Variants in ULK4 observed in about 807,000 individuals in gnomAD.
The protein encoded by ULK4 is inactive serine/threonine-protein kinase ULK4.
In ULK4, 133 loss-of-function variants were observed where a neutral mutation model predicts 160.6. The ratio of observed to expected loss-of-function variants is 0.83; its 90% CI spans 0.72 to 0.96. The LOEUF is 0.96. Ranked by LOEUF, ULK4 falls within the 40% of genes least tolerant of loss-of-function variation. The pLI, the probability that ULK4 is intolerant of heterozygous loss-of-function variation, is 0.00. For synonymous variants in ULK4, 534 were observed against 539.8 expected (o/e 0.99, Z 0.15); for missense variants, 1,580 against 1,499.5 (o/e 1.05, Z -0.89).
intron 32 of ULK4, among the ~76,000 whole-genome samples, chr3:41,479,700 T>C (rs187758648): frequency 1.2e-3 from 186 of 152,016 alleles, no homozygotes; most frequent in African/African-American, 4.1e-3. Flanking sequence ...GGCAGAAGAG[T>C]AGAGAGACGT....
Position 41,309,062 on chromosome 3 carries a change from G to A in ULK4, c.3679-59488C>T, listed in dbSNP as rs539288504. Among the ~76,000 whole-genome samples, 3 of 152,202 alleles carry A rather than the reference G, an allele frequency of 2.0e-5. No individual in the cohort carries two copies. In the South Asian group the frequency reaches 6.2e-4, roughly 32 times the overall value. On this transcript the variant is annotated intron_variant, in intron 35 of 36. Transcript: ENST00000301831. ...AAGTTATTTTATAAATAAAATTTAT[G>A]AAAGTTATTTTTAAAGTATGAAAGT...
At position 41,804,989 on chromosome 3, in the gene ULK4, A is replaced by C. The variant is rs529165605; in HGVS notation, c.1849-4696T>G. Among the ~76,000 whole-genome samples the C allele has an allele frequency of 1.4e-4, 22 of 152,068 alleles. No homozygotes were observed. In the South Asian group the frequency reaches 4.0e-3, roughly 27 times the overall value. On this transcript the variant is annotated intron_variant, in intron 19 of 36. Transcript: ENST00000301831. The stretch of plus-strand genomic sequence containing the variant: ...GGGCTCTTTTTTGGTTCCATATGAA[A>C]TTTAAAGTAGTTTTTTCAAATTCTG...
chr3:41,460,067 TTATAAG>T (rs2125875932), intron 33 of ULK4, among the ~76,000 whole-genome samples: 1 of 152,184 alleles, frequency 6.6e-6, no homozygotes, highest in South Asian at 2.1e-4. Flanking sequence ...AGTTGGATAA[TTATAAG>T]AGATGCTAAA....
intron 32 of ULK4, among the ~76,000 whole-genome samples, chr3:41,520,797 T>C (rs2085906531): frequency 6.6e-6 from 1 of 152,234 alleles, no homozygotes; most frequent in Non-Finnish European, 1.5e-5. Flanking sequence ...TGATTTGTAT[T>C]TCCCTAGTCA....
intron 31 of ULK4, among the ~76,000 whole-genome samples, chr3:41,572,688 C>T (rs1038896423): frequency 1.3e-5 from 2 of 151,112 alleles, no homozygotes; most frequent in African/African-American, 4.9e-5. Context: ...ATGGCATGAA[C>T]CCAGGAGGCG....
intron 30 of ULK4, among the ~76,000 whole-genome samples, chr3:41,633,077 A>C (rs2125705687): frequency 1.3e-5 from 2 of 152,342 alleles, no homozygotes; most frequent in Middle Eastern, 6.8e-3. Context: ...TTATTACATA[A>C]GTGGAAGAGG....
At chr3:41,524,433 G>A (rs564179374) in intron 32 of ULK4, among the ~76,000 whole-genome samples, 80 of 152,250 alleles carry the variant, frequency 5.3e-4, no homozygotes, top group African/African-American at 1.9e-3. Flanking sequence ...GCCCAGTAGT[G>A]ACCCTGGAAA....
Position 41,395,085 on chromosome 3 carries a change from C to T in ULK4, c.3678+2994G>A, listed in dbSNP as rs6769897. On this transcript the variant is annotated intron_variant, in intron 35 of 36. Transcript: ENST00000301831. ...ACATTTTTGCATCTTACTTCCTAAT[C>T]ACCACACAGAAAGGCTCCACAGTTT... 6.7e-3 allele frequency among the ~76,000 whole-genome samples: 1,011 copies of T among 151,702 alleles called. 4 individuals are homozygous for T. Among genetic ancestry groups the T allele is most frequent in the East Asian group, 0.015 (79 of 5,146 alleles).
At chr3:41,291,211 T>C (rs775580574) in intron 35 of ULK4, among the ~76,000 whole-genome samples, 25 of 151,880 alleles carry the variant, frequency 1.6e-4, no homozygotes, top group Non-Finnish European at 3.1e-4. Context: ...TTTTCTTCAC[T>C]AGACATTGCC....
intron 22 of ULK4, among the ~76,000 whole-genome samples, chr3:41,724,995 C>A (rs531065306): frequency 6.6e-6 from 1 of 152,238 alleles, no homozygotes; most frequent in South Asian, 2.1e-4. Flanking sequence ...TAAGTCTGTA[C>A]ATATTTCTGT....
chr3:41,774,014 G>C (rs1235396864), intron 21 of ULK4, among the ~76,000 whole-genome samples: 1 of 152,134 alleles, frequency 6.6e-6, no homozygotes, highest in Non-Finnish European at 1.5e-5. Flanking sequence ...AAACTGGCTA[G>C]CCATATGTAG....
chr3:41,707,375 A>T (rs1329766664), intron 25 of ULK4, among the ~76,000 whole-genome samples: 1 of 152,206 alleles, frequency 6.6e-6, no homozygotes, highest in Admixed American at 6.5e-5. Context: ...ATGGGATTAC[A>T]TCAACATAAA....
At chr3:41,801,236 C>T (rs1026601191) in intron 19 of ULK4, among the ~76,000 whole-genome samples, 1 of 152,004 alleles carries the variant, frequency 6.6e-6, no homozygotes, top group Non-Finnish European at 1.5e-5. Context: ...AGATTAGACA[C>T]TACAGACTAA....
At chr3:41,278,752 A>G (rs1329521307) in intron 35 of ULK4, among the ~76,000 whole-genome samples, 2 of 152,192 alleles carry the variant, frequency 1.3e-5, no homozygotes, top group East Asian at 1.9e-4. Flanking sequence ...TAGCATCAAC[A>G]TCAACAAAAA....
intron 25 of ULK4, among the ~76,000 whole-genome samples, chr3:41,707,111 T>C (rs562092293): frequency 6.6e-6 from 1 of 152,288 alleles, no homozygotes; most frequent in East Asian, 1.9e-4. Flanking sequence ...TTTCTTAAAA[T>C]AGTTTTAACA....
At chr3:41,261,595 T>C (rs2078944324) in intron 35 of ULK4, among the ~76,000 whole-genome samples, 1 of 152,224 alleles carries the variant, frequency 6.6e-6, no homozygotes, top group Non-Finnish European at 1.5e-5. Context: ...TTATCTTGTA[T>C]AAATGGCTTG....
In ULK4 at chr3:41,958,043, CAA is replaced by C. The variant is rs60057307; in HGVS notation, c.-48-3238_-48-3237del. Among the ~76,000 whole-genome samples, 206 of 118,486 alleles carry C rather than the reference CAA, an allele frequency of 1.7e-3. 1 individual carries two copies. Among genetic ancestry groups the C allele is most frequent in the Admixed American group, 2.0e-3 (24 of 11,924 alleles). The allele number at this position is 118,486 out of a possible 152,430, so 77.7% of individuals were successfully genotyped here. On this transcript the variant is annotated intron_variant, in intron 1 of 36. Transcript: ENST00000301831. ...TGGGCAACGAAGTGAGACCCTTTCTCAAAAAAAAAAAAAAAAAACCTTGTACA... is the reference window on the plus strand; with the variant it reads ...TGGGCAACGAAGTGAGACCCTTTCTCAAAAAAAAAAAAAAAACCTTGTACA...
chr3:41,673,213 T>C (rs2035595556), intron 29 of ULK4, among the ~76,000 whole-genome samples: 1 of 152,138 alleles, frequency 6.6e-6, no homozygotes, highest in South Asian at 2.1e-4. Flanking sequence ...ATTATGATTC[T>C]TATCAAAGAT....
intron 35 of ULK4, among the ~76,000 whole-genome samples, chr3:41,274,621 A>C (rs1206151215): frequency 6.6e-6 from 1 of 152,262 alleles, no homozygotes; most frequent in Non-Finnish European, 1.5e-5. Context: ...ATTTTGGCAC[A>C]GATACAGCCC....
Sources: gnomAD v4.1 joint callset for allele counts (sites outside exome capture counted in the v4.1 genomes callset) on GRCh38, gnomAD v4.1.1 for gene constraint, MANE v1.5 for transcripts, NCBI Gene and HGNC (gene_info 2026-07-23, HGNC 2026-07-21) for gene names.